Variants in LRRC8C observed in about 807,000 individuals in gnomAD.
The protein encoded by LRRC8C is leucine rich repeat containing 8 VRAC subunit C, also known as volume-regulated anion channel subunit LRRC8C.
LRRC8C carries 20 observed loss-of-function variants against 55.3 expected under a neutral mutation model. The ratio of observed to expected loss-of-function variants is 0.36; its 90% CI spans 0.25 to 0.53. The LOEUF is 0.53. Among genes scored for constraint, LRRC8C ranks in the 20% least tolerant of loss-of-function variants. The pLI is 0.92. For missense variants in LRRC8C, 659 were observed against 951.4 expected (o/e 0.69, Z 4.04); for synonymous variants, 376 against 360.7 (o/e 1.04, Z -0.48).
upstream of LRRC8C, chr1:89,632,136 A>G (rs140305383): frequency 6.6e-6 from 1 of 152,332 alleles, no homozygotes; most frequent in Non-Finnish European, 1.5e-5. Flanking sequence ...TCTTGTCGGT[A>G]CATTTTTTCA....
intron 2 of LRRC8C, among the ~76,000 whole-genome samples, chr1:89,697,787 AT>A: frequency 6.6e-6 from 1 of 152,078 alleles, no homozygotes; most frequent in South Asian, 2.1e-4. Flanking sequence ...TTTCTGAAAA[AT>A]TTTTTTTGTA....
chr1:89,651,289 C>T (rs1354996747), intron 1 of LRRC8C, among the ~76,000 whole-genome samples: 1 of 152,074 alleles, frequency 6.6e-6, no homozygotes, highest in East Asian at 1.9e-4. Context: ...GCAACATAGG[C>T]CAGGCATAGT....
At position 89,660,119 on chromosome 1, in the gene LRRC8C, G is replaced by C. The variant is rs189359923; in HGVS notation, c.-4-26351G>C. ...CTGTGTGGGGAAGCCTGACAGTCCT[G>C]ATGTGGTGATCTGGGAATGGGTGGT... On this transcript the variant is annotated intron_variant, in intron 1 of 2. Coordinates refer to ENST00000370454, the MANE Select transcript of LRRC8C (RefSeq NM_032270.5). Among the ~76,000 whole-genome samples, 33 of 152,298 alleles carry C rather than the reference G, an allele frequency of 2.2e-4. No individual in the cohort carries two copies. The South Asian group carries it at 6.0e-3, about 28-fold the overall frequency.
the LRRC8C span, among the ~76,000 whole-genome samples, chr1:89,618,964 C>T: frequency 6.6e-6 from 1 of 152,262 alleles, no homozygotes; most frequent in Non-Finnish European, 1.5e-5. Context: ...TTTCAAACAG[C>T]CTTTTGAAGT....
intron 1 of LRRC8C, among the ~76,000 whole-genome samples, chr1:89,648,192 A>G (rs950303245): frequency 1.3e-5 from 2 of 152,226 alleles, no homozygotes; most frequent in Non-Finnish European, 2.9e-5. Context: ...TTGTATAAGT[A>G]TTTTGCCAAA....
chr1:89,658,461 T>C (rs1385285741), intron 1 of LRRC8C, among the ~76,000 whole-genome samples: 1 of 152,214 alleles, frequency 6.6e-6, no homozygotes, highest in African/African-American at 2.4e-5. Flanking sequence ...TAATTATTCA[T>C]ATCTCAACAT....
chr1:89,660,758 C>G (rs1168067100), intron 1 of LRRC8C, among the ~76,000 whole-genome samples: 1 of 152,228 alleles, frequency 6.6e-6, no homozygotes, highest in Non-Finnish European at 1.5e-5. Flanking sequence ...TGCCTCCAGA[C>G]AGCAAGCTCA....
At chr1:89,668,399 A>T (rs1174709525) in intron 1 of LRRC8C, 1 of 152,166 alleles carries the variant, frequency 6.6e-6, no homozygotes, top group East Asian at 1.9e-4. Flanking sequence ...GATAAGTTTC[A>T]CCCTAGTGAC....
intron 1 of LRRC8C, among the ~76,000 whole-genome samples, chr1:89,634,106 A>G (rs1397452745): frequency 6.6e-6 from 1 of 152,160 alleles, no homozygotes; most frequent in Non-Finnish European, 1.5e-5. Flanking sequence ...CCCGGTATAC[A>G]GCAAAGTCCA....
At chr1:89,669,701 G>A (rs1197591986) in intron 1 of LRRC8C, among the ~76,000 whole-genome samples, 2 of 152,080 alleles carry the variant, frequency 1.3e-5, no homozygotes, top group South Asian at 2.1e-4. Flanking sequence ...TGACAGAGCC[G>A]GGATACAGAC....
intron 1 of LRRC8C, among the ~76,000 whole-genome samples, chr1:89,644,422 A>G (rs1339308802): frequency 6.6e-6 from 1 of 152,206 alleles, no homozygotes; most frequent in Admixed American, 6.5e-5. Flanking sequence ...AAGTGCTGAG[A>G]TTACAGGCGT....
At chr1:89,618,451 C>A in the LRRC8C span, among the ~76,000 whole-genome samples, 5 of 152,176 alleles carry the variant, frequency 3.3e-5, no homozygotes, top group Non-Finnish European at 7.3e-5. Flanking sequence ...TACTCTGGGC[C>A]AGCCATTCAT....
At chr1:89,688,478 A>G (rs1657940687) in intron 2 of LRRC8C, among the ~76,000 whole-genome samples, 1 of 152,216 alleles carries the variant, frequency 6.6e-6, no homozygotes, top group South Asian at 2.1e-4. Context: ...TCCTGCAGGT[A>G]AGATAGAAGC....
the LRRC8C span, among the ~76,000 whole-genome samples, chr1:89,620,579 CAAAAAAAAAA>C: frequency 8.8e-5 from 12 of 137,054 alleles, no homozygotes; most frequent in South Asian, 2.0e-3. Flanking sequence ...GATGATTTTT[CAAAAAAAAAA>C]AAAAAAAAAT....
chr1:89,682,786 T>C lies in LRRC8C; in HGVS notation c.-4-3684T>C, dbSNP rs1386602331. 2.6e-5 allele frequency among the ~76,000 whole-genome samples: 4 copies of C among 152,234 alleles called. No homozygotes were observed. The East Asian group carries it at 7.7e-4, about 29-fold the overall frequency. ...GACTGCATGTTTTATTAATACACTA[T>C]GTGATGAAATGGGAAGAATACACAA... On this transcript the variant is annotated intron_variant, in intron 1 of 2. Coordinates refer to ENST00000370454, the MANE Select transcript of LRRC8C (RefSeq NM_032270.5).
At chr1:89,632,225 A>G (rs1400643423), upstream of LRRC8C, 1 of 152,202 alleles carries the variant, frequency 6.6e-6, no homozygotes, top group Non-Finnish European at 1.5e-5. Context: ...ATTGGGTGGG[A>G]AAATGGGGAG....
intron 1 of LRRC8C, among the ~76,000 whole-genome samples, chr1:89,645,545 C>G (rs1432185433): frequency 3.9e-5 from 6 of 152,130 alleles, no homozygotes; most frequent in Non-Finnish European, 8.8e-5. Flanking sequence ...AGGTTAAGTA[C>G]AACAATACCA....
chr1:89,639,020 T>C (rs1656380982), intron 1 of LRRC8C, among the ~76,000 whole-genome samples: 1 of 87,792 alleles, frequency 1.1e-5, no homozygotes, highest in Admixed American at 1.4e-4. Flanking sequence ...TTACTCTGTC[T>C]CTGTCTCCAG....
chr1:89,683,813 G>A (rs1338790282), intron 1 of LRRC8C, among the ~76,000 whole-genome samples: 1 of 152,116 alleles, frequency 6.6e-6, no homozygotes, highest in Admixed American at 6.5e-5. Flanking sequence ...ACATGTCTTT[G>A]TGAGGCCATG....
Sources: gnomAD v4.1 joint callset for allele counts (sites outside exome capture counted in the v4.1 genomes callset) on GRCh38, gnomAD v4.1.1 for gene constraint, MANE v1.5 for transcripts, NCBI Gene and HGNC (gene_info 2026-07-23, HGNC 2026-07-21) for gene names.